The following ATP10B variants were observed in gnomAD, a reference collection of about 807,000 sequenced individuals.
The protein encoded by ATP10B is phospholipid-transporting ATPase VB.
A neutral mutation model predicts 141.2 loss-of-function variants in ATP10B; 122 were observed. The ratio of observed to expected loss-of-function variants is 0.86; its 90% CI spans 0.75 to 1.00. The LOEUF is 1.00. Ranked by LOEUF, ATP10B falls within the 50% of genes least tolerant of loss-of-function variation. The pLI, the probability that ATP10B is intolerant of heterozygous loss-of-function variation, is 0.00. For missense variants in ATP10B, 1,876 were observed against 1,825.3 expected, an observed-to-expected ratio of 1.03 and a Z score of -0.51; for synonymous variants, 685 against 692.0, an observed-to-expected ratio of 0.99 and a Z score of 0.16.
chr5:160,826,969 C>T (rs1465352845), intron 1 of ATP10B, among the ~76,000 whole-genome samples: 2 of 152,322 alleles, frequency 1.3e-5, no homozygotes, highest in Non-Finnish European at 2.9e-5. Flanking sequence ...CCACTGAACA[C>T]AGACCCTTAT....
rs117316821 is a variant in ATP10B at position 160,692,428 on chromosome 5, G to A, written c.-204-3485C>T. ...CTAACAAGAATTCTGGACAGAAATA[G>A]AGTCATAACTAAGCATTAATCAGGC... is the stretch of plus-strand genomic sequence containing the variant. On this transcript the variant is annotated intron_variant, in intron 3 of 25. Transcript: ENST00000327245. 1.2e-3 allele frequency among the ~76,000 whole-genome samples: 179 copies of A among 152,236 alleles called. 4 individuals carry two copies. In the East Asian group the frequency reaches 0.034, roughly 29 times the overall value.
chr5:160,672,885 C>A (rs1478828551), intron 6 of ATP10B, among the ~76,000 whole-genome samples: 5 of 152,196 alleles, frequency 3.3e-5, no homozygotes, highest in African/African-American at 1.2e-4. Context: ...TCTGGAGAAT[C>A]TCAGACAAGT....
intron 1 of ATP10B, among the ~76,000 whole-genome samples, chr5:160,835,946 C>T (rs182694314): frequency 1.3e-5 from 2 of 152,108 alleles, no homozygotes; most frequent in Non-Finnish European, 2.9e-5. Flanking sequence ...CTGCTGATAT[C>T]CTTGGGAGTG....
At chr5:160,754,399 A>G (rs1165681949) in intron 2 of ATP10B, among the ~76,000 whole-genome samples, 1 of 152,204 alleles carries the variant, frequency 6.6e-6, no homozygotes, top group Non-Finnish European at 1.5e-5. Context: ...GACACTGAAA[A>G]GTCAAAACAA....
chr5:160,859,399 C>A, the ATP10B span, among the ~76,000 whole-genome samples: 1 of 151,590 alleles, frequency 6.6e-6, no homozygotes, highest in African/African-American at 2.4e-5. Flanking sequence ...TTTGTCTTTG[C>A]CTTTCAGAAG....
intron 13 of ATP10B, among the ~76,000 whole-genome samples, chr5:160,626,163 T>C (rs1758599681): frequency 6.6e-6 from 1 of 152,254 alleles, no homozygotes; most frequent in African/African-American, 2.4e-5. Context: ...GTCCAGACTA[T>C]TTCTCGGAAG....
chr5:160,707,195 C>G (rs1765070758), intron 3 of ATP10B, among the ~76,000 whole-genome samples: 1 of 152,168 alleles, frequency 6.6e-6, no homozygotes, highest in Admixed American at 6.5e-5. Context: ...AGGTGATCTG[C>G]CCACCTCAGC....
At chr5:160,747,115 C>T (rs559696547) in intron 2 of ATP10B, among the ~76,000 whole-genome samples, 3 of 152,222 alleles carry the variant, frequency 2.0e-5, no homozygotes, top group Non-Finnish European at 4.4e-5. Flanking sequence ...AAGGTGACAA[C>T]AGCTGGGGCT....
intron 3 of ATP10B, among the ~76,000 whole-genome samples, chr5:160,708,934 A>G (rs1338367073): frequency 1.3e-5 from 2 of 152,230 alleles, no homozygotes; most frequent in African/African-American, 4.8e-5. Flanking sequence ...GCAAGCAGAC[A>G]AATGATACAC....
intron 1 of ATP10B, among the ~76,000 whole-genome samples, chr5:160,813,797 T>G (rs1483464237): frequency 6.6e-6 from 1 of 152,162 alleles, no homozygotes; most frequent in Non-Finnish European, 1.5e-5. Context: ...TCTGGAGGAA[T>G]GATCAGGAAG....
At chr5:160,745,976 T>C (rs1767781315) in intron 2 of ATP10B, among the ~76,000 whole-genome samples, 1 of 152,240 alleles carries the variant, frequency 6.6e-6, no homozygotes, top group Non-Finnish European at 1.5e-5. Context: ...ATCCAGCTCT[T>C]CTCTGTATCC....
rs376480215 is a variant in ATP10B at position 160,576,666 on chromosome 5, C to T, written c.3751-6983G>A. Among the ~76,000 whole-genome samples the T allele has an allele frequency of 1.2e-4, 19 of 152,286 alleles. No individual in the cohort carries two copies. In the South Asian group the frequency reaches 3.9e-3, roughly 32 times the overall value. ...GAGGAGACAACATTTGAGATGAGGC[C>T]TGAAGGATGAGAAGAGAGCCAGAGG... On this transcript the variant is annotated intron_variant, in intron 24 of 25. Transcript: ENST00000327245.
At chr5:160,920,292 T>C in the ATP10B span, among the ~76,000 whole-genome samples, 2 of 152,260 alleles carry the variant, frequency 1.3e-5, no homozygotes, top group Non-Finnish European at 2.9e-5. Context: ...CTCTGATGTT[T>C]TGCTCAATTG....
At chr5:160,716,868 A>G in intron 3 of ATP10B, 41 bp downstream of exon 3, 5 of 980,098 alleles carry the variant, frequency 5.1e-6, no homozygotes, top group Non-Finnish European at 6.1e-6. Context: ...TGTTCCACAT[A>G]GGAAAAGGAA....
chr5:160,702,830 G>A (rs528440039), intron 3 of ATP10B, among the ~76,000 whole-genome samples: 2 of 152,244 alleles, frequency 1.3e-5, no homozygotes, highest in African/African-American at 4.8e-5. Flanking sequence ...TTTCCCAGTA[G>A]AACCAAGGTA....
chr5:160,573,011 T>C (rs1272996523), intron 24 of ATP10B, among the ~76,000 whole-genome samples: 1 of 152,242 alleles, frequency 6.6e-6, no homozygotes, highest in East Asian at 1.9e-4. Flanking sequence ...TGTTTATGGA[T>C]GCTTTTTTGC....
chr5:160,597,109 A>T (rs1033905926), intron 22 of ATP10B, among the ~76,000 whole-genome samples: 1 of 152,240 alleles, frequency 6.6e-6, no homozygotes, highest in African/African-American at 2.4e-5. Flanking sequence ...CCAAAAGAAC[A>T]AAGCTGGAGG....
At chr5:160,652,808 A>T (rs866649092) in intron 7 of ATP10B, among the ~76,000 whole-genome samples, 3 of 103,662 alleles carry the variant, frequency 2.9e-5, no homozygotes, top group African/African-American at 1.3e-4. Flanking sequence ...TATATTATAT[A>T]ATATATTATA....
At chr5:160,791,484 A>G (rs1309120795) in intron 1 of ATP10B, among the ~76,000 whole-genome samples, 1 of 152,082 alleles carries the variant, frequency 6.6e-6, no homozygotes, top group Admixed American at 6.6e-5. Context: ...GGCTTCAAAC[A>G]AGTCTGGAGA....
Sources: gnomAD v4.1 joint callset for allele counts (sites outside exome capture counted in the v4.1 genomes callset) on GRCh38, gnomAD v4.1.1 for gene constraint, MANE v1.5 for transcripts, NCBI Gene and HGNC (gene_info 2026-07-23, HGNC 2026-07-21) for gene names.